KMO: variants seen among roughly 807,000 people sequenced by gnomAD.
The protein encoded by KMO is kynurenine 3-monooxygenase, also known as kynurenine 3-hydroxylase.
A neutral mutation model predicts 57.8 loss-of-function variants in KMO; 24 were observed. The ratio of observed to expected loss-of-function variants is 0.42; its 90% CI spans 0.30 to 0.58. KMO has a LOEUF of 0.58. KMO is among the 20% of genes least tolerant of loss of function. KMO has a pLI of 0.22. For missense variants in KMO, 483 were observed against 588.2 expected (o/e 0.82, Z 1.85); for synonymous variants, 210 against 193.6 (o/e 1.08, Z -0.70).
chr1:241,537,615 C>T lies in KMO; in HGVS notation c.54+5117C>T, dbSNP rs1310629085. On this transcript the variant is annotated intron_variant, in intron 1 of 14. Transcript: ENST00000366559. ...TCCGTTTTCATGTTGCTGATAAAGA[C>T]CTACCTGAGACTGGGCAATTTATAA... Among the ~76,000 whole-genome samples, 4 of 152,056 alleles carry T rather than the reference C, an allele frequency of 2.6e-5. No homozygotes were observed. The East Asian group carries it at 7.7e-4, about 29-fold the overall frequency.
In KMO at chr1:241,588,283, T is replaced by C. The variant is rs1008891005; in HGVS notation, c.1016-465T>C. Among the ~76,000 whole-genome samples the C allele has an allele frequency of 1.1e-4, 16 of 151,488 alleles. No individual in the cohort carries two copies. The East Asian group carries it at 2.7e-3, about 26-fold the overall frequency. On this transcript the variant is annotated intron_variant, in intron 11 of 14. Transcript: ENST00000366559. ...GTCCAAGAATACTGGTGCCTGGGTC[T>C]GAAGAGATCATAGAATTCCAGGACA...
At chr1:241,544,088 G>A (rs953774277) in intron 1 of KMO, among the ~76,000 whole-genome samples, 1 of 152,172 alleles carries the variant, frequency 6.6e-6, no homozygotes, top group Non-Finnish European at 1.5e-5. Context: ...CCTTTACTGT[G>A]GTTGAATTTT....
chr1:241,538,361 A>G lies in KMO; in HGVS notation c.54+5863A>G, dbSNP rs191116687. ...AGGAGTCAATGGGCAAGGTAGAAAG[A>G]GGGTTGGTGGTCTCTTTCAAGTAGT... is the stretch of plus-strand genomic sequence containing the variant. On this transcript the variant is annotated intron_variant, in intron 1 of 14. Coordinates refer to ENST00000366559, the MANE Select transcript of KMO (RefSeq NM_003679.5). Among the ~76,000 whole-genome samples, 851 of 152,282 alleles carry G rather than the reference A, an allele frequency of 5.6e-3. 9 individuals carry two copies. Among genetic ancestry groups the G allele is most frequent in the African/African-American group, 0.019 (810 of 41,562 alleles).
At chr1:241,549,266 A>AAGTAAGTCGGAAAGAAAGAAAGG (rs1661296224) in intron 2 of KMO, among the ~76,000 whole-genome samples, 13 of 117,556 alleles carry the variant, frequency 1.1e-4, no homozygotes, top group East Asian at 4.8e-4. Context: ...AGAAAGAAAG[A>AAGTAAGTCGGAAAGAAAGAAAGG]AAGGAAGGAA....
intron 5 of KMO, among the ~76,000 whole-genome samples, chr1:241,556,391 T>G (rs545557447): frequency 6.6e-6 from 1 of 152,284 alleles, no homozygotes; most frequent in Admixed American, 6.5e-5. Context: ...CACCTCAGAC[T>G]CCAGAGTAGC....
At chr1:241,573,033 T>C (rs903017803) in intron 10 of KMO, among the ~76,000 whole-genome samples, 1 of 152,168 alleles carries the variant, frequency 6.6e-6, no homozygotes, top group African/African-American at 2.4e-5. Context: ...TATGCACTCA[T>C]TGGTCAAGGG....
chr1:241,536,708 A>G (rs1660765987), intron 1 of KMO: 1 of 159,698 alleles, frequency 6.3e-6, no homozygotes, highest in South Asian at 2.0e-4. Context: ...AAGAAACCCC[A>G]CTGTAGAGAG....
At chr1:241,538,090 A>C (rs1410996711) in intron 1 of KMO, among the ~76,000 whole-genome samples, 2 of 152,168 alleles carry the variant, frequency 1.3e-5, no homozygotes, top group Admixed American at 1.3e-4. Flanking sequence ...GGTGATTAGC[A>C]GTGGGGAAAA....
chr1:241,562,233 T>G lies in KMO; in HGVS notation c.516T>G (p.Thr172=). 1 of 1,614,192 alleles carries G rather than the reference T, an allele frequency of 6.2e-7. No homozygotes were observed. ...TAGGATGTGATGGAGCCTATTCAAC[T>G]GTCAGATCTCACCTGATGAAGAAAC... ...LIVGCDGAYS[T]VRSHLMKKPR... is the part of the protein sequence containing the mutation. The change falls in exon 7 of 15, where the codon ACT becomes ACG. Residue 172 remains threonine, a synonymous_variant. Coordinates refer to ENST00000366559, the MANE Select transcript of KMO (RefSeq NM_003679.5).
At chr1:241,549,256 A>G (rs1330501620) in intron 2 of KMO, among the ~76,000 whole-genome samples, 31 of 114,888 alleles carry the variant, frequency 2.7e-4, no homozygotes, top group East Asian at 1.1e-3. Context: ...AAAGAAAGAA[A>G]GAAAGAAAGA....
chr1:241,554,337 T>C (rs1179136282), intron 4 of KMO, among the ~76,000 whole-genome samples: 1 of 151,328 alleles, frequency 6.6e-6, no homozygotes, highest in East Asian at 2.0e-4. Context: ...CAGGCTGAAG[T>C]GCAGTAATGT....
In KMO at chr1:241,565,018, G is replaced by A. The variant is rs1363350773; in HGVS notation, c.647G>A (p.Trp216Ter). The A allele has an allele frequency of 6.2e-7, 1 of 1,607,286 alleles. No homozygotes were observed. Among genetic ancestry groups the A allele is most frequent in the Non-Finnish European group, 8.5e-7 (1 of 1,174,354 alleles). ...ATGGAACCTAATTATCTGCATATTT[G>A]GCCTAGAAATACCTTTATGATGATT... ...YAMEPNYLHIWPRNTFMMIAL... is the reference protein window; with the variant it reads ...YAMEPNYLHI The change falls in exon 8 of 15, where the codon TGG becomes TAG. Residue 216 changes from tryptophan to a stop codon, truncating the protein, a stop_gained. Coordinates refer to ENST00000366559, the MANE Select transcript of KMO (RefSeq NM_003679.5). LOFTEE classifies it high-confidence loss of function.
intron 2 of KMO, 49 bp from the exon 3 acceptor site, chr1:241,549,628 G>A: frequency 8.1e-7 from 1 of 1,232,100 alleles, no homozygotes; most frequent in Non-Finnish European, 1.2e-6. Context: ...CTCATCCTGA[G>A]CTAGGATATA....
At chr1:241,536,479 G>A (rs1039040672) in intron 1 of KMO, 78 of 984,348 alleles carry the variant, frequency 7.9e-5, no homozygotes, top group Non-Finnish European at 8.8e-5. Flanking sequence ...CAGGTATGAC[G>A]AAAGTGATCA....
At chr1:241,589,579 G>T (rs1330159384) in intron 12 of KMO, among the ~76,000 whole-genome samples, 1 of 152,126 alleles carries the variant, frequency 6.6e-6, no homozygotes, top group Non-Finnish European at 1.5e-5. Context: ...AAACGGGATG[G>T]CTACGACACA....
intron 10 of KMO, among the ~76,000 whole-genome samples, chr1:241,569,398 A>G (rs752901071): frequency 4.6e-5 from 7 of 152,094 alleles, no homozygotes; most frequent in Non-Finnish European, 1.0e-4. Context: ...TCATATGAGT[A>G]AAAAAGAATG....
intron 10 of KMO, among the ~76,000 whole-genome samples, chr1:241,577,870 T>A (rs1662588562): frequency 6.6e-6 from 1 of 152,160 alleles, no homozygotes; most frequent in South Asian, 2.1e-4. Flanking sequence ...TGAAGTCTTT[T>A]CAGGGGAAAC....
intron 5 of KMO, 30 bp from the exon 6 acceptor site, chr1:241,560,635 T>G (rs368573125): frequency 6.0e-5 from 88 of 1,471,154 alleles, no homozygotes; most frequent in Non-Finnish European, 8.1e-5. Context: ...GAGATTTCAT[T>G]TCTGTTTGCC....
At chr1:241,576,209 C>T (rs750030913) in intron 10 of KMO, among the ~76,000 whole-genome samples, 6 of 151,862 alleles carry the variant, frequency 4.0e-5, no homozygotes, top group African/African-American at 7.2e-5. Flanking sequence ...ATGTTTTTAT[C>T]CATTCTGACA....
Sources: gnomAD v4.1 joint callset for allele counts (sites outside exome capture counted in the v4.1 genomes callset) on GRCh38, gnomAD v4.1.1 for gene constraint, MANE v1.5 for transcripts, NCBI Gene and HGNC (gene_info 2026-07-23, HGNC 2026-07-21) for gene names.